The following TMEM117 variants were observed in gnomAD, a reference collection of about 807,000 sequenced individuals.
The protein encoded by TMEM117 is transmembrane protein 117.
TMEM117 carries 27 observed loss-of-function variants against 52.4 expected under a neutral mutation model. The ratio of observed to expected loss-of-function variants is 0.51; its 90% CI spans 0.38 to 0.71. TMEM117 has a LOEUF of 0.71. TMEM117 is among the 30% of genes least tolerant of loss of function. The pLI, the probability that TMEM117 is intolerant of heterozygous loss-of-function variation, is 0.00. For missense variants in TMEM117, 556 were observed against 630.5 expected, an observed-to-expected ratio of 0.88 and a Z score of 1.26; for synonymous variants, 215 against 206.3, an observed-to-expected ratio of 1.04 and a Z score of -0.36.
At chr12:43,874,113 CT>C (rs1324420630) in intron 2 of TMEM117, among the ~76,000 whole-genome samples, 2 of 151,842 alleles carry the variant, frequency 1.3e-5, no homozygotes, top group Non-Finnish European at 2.9e-5. Flanking sequence ...GTAATTATTG[CT>C]TTTTTTCTCT....
the TMEM117 span, among the ~76,000 whole-genome samples, chr12:43,796,219 G>T: frequency 6.6e-6 from 1 of 152,086 alleles, no homozygotes; most frequent in Admixed American, 6.6e-5. Context: ...GATTATATGT[G>T]GCTTGGCAAA....
intron 5 of TMEM117, among the ~76,000 whole-genome samples, chr12:44,253,876 A>ACACACACACACC (rs1008490872): frequency 3.5e-5 from 5 of 143,288 alleles, no homozygotes; most frequent in African/African-American, 1.4e-4. Context: ...ACACACACAC[A>ACACACACACACC]CCTTCTCTCT....
At chr12:44,328,778 T>C (rs918809473) in intron 6 of TMEM117, among the ~76,000 whole-genome samples, 1 of 151,938 alleles carries the variant, frequency 6.6e-6, no homozygotes, top group Non-Finnish European at 1.5e-5. Flanking sequence ...AAAAAACCAA[T>C]GTAATGCAGA....
At chr12:44,212,953 G>T (rs940977142) in intron 5 of TMEM117, among the ~76,000 whole-genome samples, 1 of 152,076 alleles carries the variant, frequency 6.6e-6, no homozygotes, top group East Asian at 1.9e-4. Flanking sequence ...GTAAACAAAA[G>T]TGGATTTTCA....
chr12:43,829,584 GA>G, the TMEM117 span, among the ~76,000 whole-genome samples: 3 of 151,982 alleles, frequency 2.0e-5, no homozygotes, highest in Non-Finnish European at 2.9e-5. Context: ...CTGTTTTGAA[GA>G]AAAAAAGTTT....
Position 44,178,269 on chromosome 12 carries a change from A to G in TMEM117, c.511-33021A>G, listed in dbSNP as rs560525781. 5.9e-5 allele frequency among the ~76,000 whole-genome samples: 9 copies of G among 152,352 alleles called. No homozygotes were observed. In the South Asian group the frequency reaches 1.9e-3, roughly 32 times the overall value. On this transcript the variant is annotated intron_variant, in intron 4 of 7. Coordinates refer to ENST00000266534, the MANE Select transcript of TMEM117 (RefSeq NM_032256.3). The stretch of plus-strand genomic sequence containing the variant: ...CACTGACAACTAAACTTTGTCATAT[A>G]ACTCTTGTCACTACTAAGCCATGCC...
intron 4 of TMEM117, among the ~76,000 whole-genome samples, chr12:44,203,165 A>G (rs2138374823): frequency 6.6e-6 from 1 of 152,060 alleles, no homozygotes; most frequent in African/African-American, 2.4e-5. Context: ...TCAGGATTTC[A>G]GTTTCTTCCC....
chr12:44,241,000 G>A (rs564010364), intron 5 of TMEM117, among the ~76,000 whole-genome samples: 5 of 151,952 alleles, frequency 3.3e-5, no homozygotes, highest in South Asian at 2.1e-4. Flanking sequence ...CTTGTTATCC[G>A]TGTGAATTGG....
chr12:43,947,064 T>C (rs970319178), intron 3 of TMEM117, among the ~76,000 whole-genome samples: 1 of 152,222 alleles, frequency 6.6e-6, no homozygotes, highest in South Asian at 2.1e-4. Flanking sequence ...CTGAGCATGG[T>C]GACTTATGCC....
chr12:44,303,899 A>G (rs1212891457), intron 6 of TMEM117, among the ~76,000 whole-genome samples: 1 of 152,192 alleles, frequency 6.6e-6, no homozygotes, highest in Non-Finnish European at 1.5e-5. Flanking sequence ...TTTAAAAAAG[A>G]GTTAAAATAT....
chr12:44,039,725 T>C (rs1276280660), intron 3 of TMEM117, among the ~76,000 whole-genome samples: 1 of 152,054 alleles, frequency 6.6e-6, no homozygotes, highest in Non-Finnish European at 1.5e-5. Context: ...TTTAATTGGC[T>C]TTTTCCTTCT....
chr12:43,843,688 C>T (rs2137353317), intron 1 of TMEM117, among the ~76,000 whole-genome samples: 1 of 152,294 alleles, frequency 6.6e-6, no homozygotes, highest in East Asian at 1.9e-4. Context: ...TCTACTAATC[C>T]TCCAACCTTA....
At chr12:44,367,425 C>T (rs117071120) in intron 6 of TMEM117, among the ~76,000 whole-genome samples, 4,242 of 152,218 alleles carry the variant, frequency 0.028, 97 homozygotes, top group African/African-American at 0.055. Flanking sequence ...TTGTGAAACA[C>T]TTTTTTACCT....
intron 4 of TMEM117, among the ~76,000 whole-genome samples, chr12:44,207,775 G>A (rs113638917): frequency 3.3e-5 from 5 of 151,432 alleles, no homozygotes; most frequent in African/African-American, 1.2e-4. Flanking sequence ...AAAACAAGGT[G>A]CAGAGAGGTT....
At chr12:44,243,830 T>C (rs1239973808) in intron 5 of TMEM117, among the ~76,000 whole-genome samples, 1 of 151,086 alleles carries the variant, frequency 6.6e-6, no homozygotes, top group Admixed American at 6.6e-5. Flanking sequence ...TCTACTTCTA[T>C]ACATTCAACT....
chr12:44,194,285 G>A (rs1213778957), intron 4 of TMEM117, among the ~76,000 whole-genome samples: 2 of 152,166 alleles, frequency 1.3e-5, no homozygotes, highest in African/African-American at 4.8e-5. Context: ...GCTTAAGCAA[G>A]TGTTAATAAA....
At chr12:44,075,436 A>G (rs972547130) in intron 3 of TMEM117, among the ~76,000 whole-genome samples, 2 of 152,228 alleles carry the variant, frequency 1.3e-5, no homozygotes, top group Non-Finnish European at 2.9e-5. Flanking sequence ...AATGTTCTGT[A>G]GTTGCTATCT....
intron 6 of TMEM117, among the ~76,000 whole-genome samples, chr12:44,335,635 G>A (rs1449431597): frequency 6.6e-6 from 1 of 152,022 alleles, no homozygotes; most frequent in Non-Finnish European, 1.5e-5. Flanking sequence ...ATGTAGTCCT[G>A]ATTTTCATGT....
At chr12:44,087,201 T>G (rs1165012343) in intron 3 of TMEM117, among the ~76,000 whole-genome samples, 1 of 151,772 alleles carries the variant, frequency 6.6e-6, no homozygotes. Flanking sequence ...ACAATTATAT[T>G]ATTAATTTCA....
Sources: allele counts gnomAD v4.1 joint callset (sites outside exome capture counted in the v4.1 genomes callset), GRCh38; gene constraint gnomAD v4.1.1; transcripts MANE v1.5; gene names NCBI Gene and HGNC (gene_info 2026-07-23, HGNC 2026-07-21).